FER: variants seen among roughly 807,000 people sequenced by gnomAD.
The protein encoded by FER is tyrosine-protein kinase Fer.
A neutral mutation model predicts 111.0 loss-of-function variants in FER; 63 were observed. The ratio of observed to expected loss-of-function variants is 0.57; its 90% CI spans 0.46 to 0.70. The LOEUF (loss-of-function observed/expected upper bound fraction) is 0.70. Among genes scored for constraint, FER ranks in the 30% least tolerant of loss-of-function variants. The probability of loss-of-function intolerance (pLI) is 0.00; values close to 1 mark genes in which losing one functional copy is unlikely to be tolerated. For synonymous variants in FER, 327 were observed against 313.9 expected, an observed-to-expected ratio of 1.04 and a Z score of -0.44; for missense variants, 914 against 954.0, an observed-to-expected ratio of 0.96 and a Z score of 0.55.
intron 3 of FER, among the ~76,000 whole-genome samples, chr5:108,803,227 A>G (rs772815151): frequency 2.4e-4 from 37 of 151,994 alleles, no homozygotes; most frequent in Middle Eastern, 3.4e-3. Flanking sequence ...TGTGTAGAAC[A>G]TTAGTCCTTT....
At chr5:108,763,218 A>C (rs1195072743) in intron 1 of FER, among the ~76,000 whole-genome samples, 1 of 152,236 alleles carries the variant, frequency 6.6e-6, no homozygotes, top group Non-Finnish European at 1.5e-5. Context: ...GAAGGGACTT[A>C]GAATACCCTG....
chr5:108,798,487 T>G, intron 3 of FER, 98 bp downstream of exon 3: 2 of 925,380 alleles, frequency 2.2e-6, no homozygotes, highest in Non-Finnish European at 3.3e-6. Flanking sequence ...TAAGTCAGCA[T>G]TCTAAAGCAG....
chr5:108,774,621 T>C (rs1243589745), intron 2 of FER, among the ~76,000 whole-genome samples: 4 of 152,224 alleles, frequency 2.6e-5, no homozygotes, highest in Admixed American at 6.5e-5. Flanking sequence ...GGTTATCTCA[T>C]TGTGCTTTTG....
chr5:109,142,115 T>C (rs1753586714), intron 17 of FER, among the ~76,000 whole-genome samples: 1 of 152,120 alleles, frequency 6.6e-6, no homozygotes, highest in Non-Finnish European at 1.5e-5. Context: ...AAGGCATTCA[T>C]AATCTCATTT....
chr5:109,132,211 C>CTAAGCCAAA, intron 17 of FER, among the ~76,000 whole-genome samples: 1 of 152,228 alleles, frequency 6.6e-6, no homozygotes, highest in East Asian at 1.9e-4. Context: ...GCAACCGGTA[C>CTAAGCCAAA]TAAGCCAAAT....
At chr5:109,042,067 C>T (rs1771256056) in intron 14 of FER, among the ~76,000 whole-genome samples, 1 of 151,866 alleles carries the variant, frequency 6.6e-6, no homozygotes, top group Admixed American at 6.6e-5. Context: ...TGATGATGGG[C>T]CATGAATTCC....
chr5:108,982,327 A>G lies in FER; in HGVS notation c.1656+22980A>G, dbSNP rs952747415. ...TAATTTAGATGGAGAATATAGTAGG[A>G]GTTTGTAGTAAAAGCACGTGCATTC... On this transcript the variant is annotated intron_variant, in intron 13 of 19. Coordinates refer to ENST00000281092, the MANE Select transcript of FER (RefSeq NM_005246.4). Among the ~76,000 whole-genome samples the G allele has an allele frequency of 2.0e-5, 3 of 152,084 alleles. No individual in the cohort carries two copies. In the South Asian group the frequency reaches 6.2e-4, roughly 31 times the overall value.
chr5:109,041,615 G>T (rs1430274277), intron 14 of FER, among the ~76,000 whole-genome samples: 1 of 152,168 alleles, frequency 6.6e-6, no homozygotes, highest in Non-Finnish European at 1.5e-5. Flanking sequence ...GAGGAGAGAT[G>T]TTCAAGAAAC....
chr5:108,995,487 G>C (rs1247272096), intron 13 of FER, among the ~76,000 whole-genome samples: 1 of 150,432 alleles, frequency 6.6e-6, no homozygotes, highest in Non-Finnish European at 1.5e-5. Context: ...TCATTGTTCA[G>C]CTCCCACTTA....
At chr5:108,868,529 A>G (rs1296576277) in intron 6 of FER, among the ~76,000 whole-genome samples, 1 of 152,128 alleles carries the variant, frequency 6.6e-6, no homozygotes, top group Non-Finnish European at 1.5e-5. Flanking sequence ...GACAGAAAAA[A>G]TAAGTCATCC....
chr5:109,184,842 T>A (rs1295453679), intron 18 of FER, among the ~76,000 whole-genome samples: 1 of 152,218 alleles, frequency 6.6e-6, no homozygotes, highest in Non-Finnish European at 1.5e-5. Flanking sequence ...TGGTTTTCAC[T>A]AAGTACTTTT....
intron 17 of FER, among the ~76,000 whole-genome samples, chr5:109,111,530 T>C (rs1201196137): frequency 6.9e-6 from 1 of 144,866 alleles, no homozygotes; most frequent in African/African-American, 2.5e-5. Flanking sequence ...ATCAACCTTA[T>C]AATAAAAAAT....
chr5:108,922,915 G>C (rs1275879668), intron 10 of FER, among the ~76,000 whole-genome samples: 1 of 152,144 alleles, frequency 6.6e-6, no homozygotes, highest in African/African-American at 2.4e-5. Context: ...CAGTATAGTA[G>C]TTAATTGCAT....
chr5:108,828,090 G>A (rs78636973), intron 3 of FER, among the ~76,000 whole-genome samples: 2,625 of 151,484 alleles, frequency 0.017, 79 homozygotes, highest in African/African-American at 0.061. Context: ...GGCTACTCTC[G>A]AGCTCCTGGC....
intron 5 of FER, 90 bp downstream of exon 5, chr5:108,835,897 T>A (rs752048887): frequency 4.3e-5 from 29 of 669,992 alleles, no homozygotes; most frequent in Non-Finnish European, 7.0e-5. Context: ...ATGATTCCAT[T>A]TAGAGCATTT....
At chr5:108,821,405 C>T (rs1331308479) in intron 3 of FER, among the ~76,000 whole-genome samples, 5 of 151,820 alleles carry the variant, frequency 3.3e-5, no homozygotes. Context: ...TGAAGATATC[C>T]AAGAACTCAT....
chr5:108,993,526 G>A (rs984438331), intron 13 of FER, among the ~76,000 whole-genome samples: 1 of 151,482 alleles, frequency 6.6e-6, no homozygotes, highest in Non-Finnish European at 1.5e-5. Context: ...GAGGGAGACT[G>A]TGGAAAGAGA....
rs1030354999 is a variant in FER at position 109,147,778 on chromosome 5, T to C, written c.2049-32969T>C. On this transcript the variant is annotated intron_variant, in intron 17 of 19. Coordinates refer to ENST00000281092, the MANE Select transcript of FER (RefSeq NM_005246.4). ...TACAAAGAGAACACACACACACACA[T>C]ACATATATATATATATATATATAGA... Among the ~76,000 whole-genome samples the C allele has an allele frequency of 3.1e-4, 33 of 106,810 alleles. No individual in the cohort carries two copies. In the South Asian group the frequency reaches 6.8e-3, roughly 22 times the overall value. 70.1% of individuals were successfully genotyped at this position (106,810 alleles called of 152,430 possible).
At chr5:109,051,841 GTT>G (rs1772877602) in intron 16 of FER, 3 of 1,595,508 alleles carry the variant, frequency 1.9e-6, no homozygotes, top group Admixed American at 3.3e-5. Context: ...GATGAAGATG[GTT>G]TTCTCCATGG....
Sources: gnomAD v4.1 joint callset for allele counts (sites outside exome capture counted in the v4.1 genomes callset) on GRCh38, gnomAD v4.1.1 for gene constraint, MANE v1.5 for transcripts, NCBI Gene and HGNC (gene_info 2026-07-23, HGNC 2026-07-21) for gene names.